Variants in TGDS observed in about 807,000 individuals in gnomAD.
The protein encoded by TGDS is UDP-D-glucose 4,6-dehydratase.
TGDS carries 47 observed loss-of-function variants against 52.3 expected under a neutral mutation model. The ratio of observed to expected loss-of-function variants is 0.90; its 90% CI spans 0.71 to 1.15. TGDS has a LOEUF of 1.15. Ranked by LOEUF, TGDS falls within the 50% of genes most tolerant of loss-of-function variation. TGDS has a pLI of 0.00. For missense variants in TGDS, 375 were observed against 418.4 expected (o/e 0.90, Z 0.90); for synonymous variants, 115 against 136.9 (o/e 0.84, Z 1.12).
At chr13:94,590,702 T>A (rs1277592850) in intron 4 of TGDS, 151 bp downstream of exon 4, 3 of 558,158 alleles carry the variant, frequency 5.4e-6, no homozygotes. Context: ...AATAAAAGTA[T>A]CTAAAAAGTG....
rs1888856672 is a variant in TGDS, at chr13:94,583,102, G to C, written c.448C>G (p.Leu150Val). The C allele has an allele frequency of 2.5e-6, 4 of 1,613,248 alleles. No homozygotes were observed. In the African/African-American group the frequency reaches 4.0e-5, roughly 16 times the overall value. Residue 150 changes from leucine (L) to valine (V), a missense_variant, in exon 5 of 12, where the codon CTT (leucine) becomes GTT (valine). Physicochemically the swap from Leu to Val is conservative, Grantham distance 32 (BLOSUM62 1). Transcript: ENST00000261296. ...ACATTTTCTAAGCTCACCTTATCAA[G>C]ACTGCCACCATATACTTCATCTGTG... ...VSTDEVYGGS[L>V]DKEFDESSPK...
Position 94,576,479 on chromosome 13 carries a change from T to TA in TGDS, c.885-69dup, listed in dbSNP as rs974041424. The TA allele has an allele frequency of 7.4e-6, 8 of 1,075,516 alleles. No individual in the cohort carries two copies. In the African/African-American group the frequency reaches 1.0e-4, roughly 13 times the overall value. 66.6% of individuals were successfully genotyped at this position (1,075,516 alleles called of 1,614,324 possible). On this transcript the variant is annotated intron_variant, in intron 10 of 11. Transcript: ENST00000261296. ...ATTTACAAATTTAGATATTAGGAGA[T>TA]ATGTGTTTATGCATTTTTACCACAA...
At position 94,574,111 on chromosome 13, in the gene TGDS, CAA is replaced by C. The variant is rs1319882835; in HGVS notation, c.*669_*670del. ...AAAATAAAAACATTATTTTAAAAAGCAATATTCTACATTAAATACATTAAGAT... is the reference window on the plus strand; with the variant it reads ...AAAATAAAAACATTATTTTAAAAAGCTATTCTACATTAAATACATTAAGAT... On this transcript the variant is annotated 3_prime_UTR_variant, in exon 12 of 12. Coordinates refer to ENST00000261296, the MANE Select transcript of TGDS (RefSeq NM_014305.4). The C allele has an allele frequency of 2.0e-5, 3 of 151,750 alleles. No individual in the cohort carries two copies. The highest frequency in any genetic ancestry group is 2.9e-5 in the Non-Finnish European group (2 of 67,930). The allele number at this position is 151,750 out of a possible 1,614,324, so 9.4% of individuals were successfully genotyped here. A position where few individuals can be genotyped will look rare whatever the true frequency, so the allele number is the denominator to read the frequency against.
chr13:94,575,619 T>G (rs1888576100), intron 11 of TGDS, among the ~76,000 whole-genome samples: 1 of 152,186 alleles, frequency 6.6e-6, no homozygotes, highest in South Asian at 2.1e-4. Flanking sequence ...GAAATTATTT[T>G]ATATTGCTAT....
At chr13:94,583,338 C>T in intron 4 of TGDS, 102 bp from the exon 5 acceptor site, 1 of 1,175,016 alleles carries the variant, frequency 8.5e-7, no homozygotes, top group African/African-American at 1.6e-5. Flanking sequence ...CACTGTTCTT[C>T]ATTTACCACA....
intron 7 of TGDS, 58 bp from the exon 8 acceptor site, chr13:94,578,831 G>A (rs745927625): frequency 1.9e-6 from 2 of 1,034,476 alleles, no homozygotes; most frequent in Non-Finnish European, 2.9e-6. Context: ...GTATGAATCT[G>A]AACTCATACC....
intron 10 of TGDS, 57 bp from the exon 11 acceptor site, chr13:94,576,468 A>G: frequency 8.5e-7 from 1 of 1,169,982 alleles, no homozygotes; most frequent in Non-Finnish European, 1.2e-6. Flanking sequence ...ACAAATTTAG[A>G]TATTAGGAGA....
chr13:94,576,001 A>G (rs559993587), intron 11 of TGDS, among the ~76,000 whole-genome samples: 71 of 152,328 alleles, frequency 4.7e-4, no homozygotes, highest in African/African-American at 1.6e-3. Context: ...TAATTATAAG[A>G]CACCAGTGAT....
chr13:94,592,321 A>G lies in TGDS; in HGVS notation c.154-12T>C. On this transcript the variant is annotated splice_polypyrimidine_tract_variant and intron_variant, in intron 2 of 11. Transcript: ENST00000261296. Reference sequence around the variant, plus strand: ...GCACAGTAATCCAGCTTGAAAGAAGAGAGCACAGAAGGGGCAACACAAAAA... The same window carrying G: ...GCACAGTAATCCAGCTTGAAAGAAGGGAGCACAGAAGGGGCAACACAAAAA... 1 of 1,583,764 alleles carries G rather than the reference A, an allele frequency of 6.3e-7. No homozygotes were observed. Among genetic ancestry groups the G allele is most frequent in the Non-Finnish European group, 8.5e-7 (1 of 1,171,598 alleles).
At chr13:94,574,873 A>AC in intron 11 of TGDS, 21 bp from the exon 12 acceptor site, 1 of 1,323,106 alleles carries the variant, frequency 7.6e-7, no homozygotes, top group Non-Finnish European at 1.0e-6. Flanking sequence ...AAAACAAAAG[A>AC]CAAAAAAAAA....
chr13:94,594,969 T>C (rs531833387), intron 1 of TGDS, among the ~76,000 whole-genome samples: 2 of 152,244 alleles, frequency 1.3e-5, no homozygotes, highest in South Asian at 2.1e-4. Flanking sequence ...GAATGAACAG[T>C]AGTCTCTGTC....
At chr13:94,594,361 T>C (rs1274402350) in intron 1 of TGDS, among the ~76,000 whole-genome samples, 1 of 152,166 alleles carries the variant, frequency 6.6e-6, no homozygotes, top group Non-Finnish European at 1.5e-5. Context: ...ACTTCTGCAA[T>C]TGCTATTTCT....
At chr13:94,584,446 T>C (rs900811603) in intron 4 of TGDS, among the ~76,000 whole-genome samples, 1 of 152,178 alleles carries the variant, frequency 6.6e-6, no homozygotes, top group Non-Finnish European at 1.5e-5. Context: ...GAAAAGATGA[T>C]ATAAATGAAA....
In TGDS at chr13:94,583,079, A is replaced by AT; in HGVS notation, c.456+14dup. The AT allele has an allele frequency of 6.2e-7, 1 of 1,609,838 alleles. No individual in the cohort carries two copies. Among genetic ancestry groups the AT allele is most frequent in the Non-Finnish European group, 8.5e-7 (1 of 1,179,010 alleles). On this transcript the variant is annotated intron_variant, in intron 5 of 11. Coordinates refer to ENST00000261296, the MANE Select transcript of TGDS (RefSeq NM_014305.4). ...ACATGGTTAAGTAGGTAAAATATAC[A>AT]TTTTCTAAGCTCACCTTATCAAGAC...
intron 4 of TGDS, among the ~76,000 whole-genome samples, chr13:94,586,748 A>ATTCTTTTTTTTTTTTTTT (rs1566960948): frequency 1.1e-5 from 1 of 88,444 alleles, no homozygotes; most frequent in African/African-American, 3.1e-5. Flanking sequence ...AAGAAATCAA[A>ATTCTTTTTTTTTTTTTTT]TTATTTTTTT....
At chr13:94,580,949 A>G (rs1888766572) in intron 6 of TGDS, 142 bp downstream of exon 6, 2 of 465,170 alleles carry the variant, frequency 4.3e-6, no homozygotes, top group Non-Finnish European at 7.3e-6. Context: ...GACCAGCCTG[A>G]GTGTCAGATT....
Position 94,576,386 on chromosome 13 carries a change from T to C in TGDS, c.910A>G (p.Met304Val), listed in dbSNP as rs367576453. ...DRPTNDMRYP[M>V]KSEKIHGLGW... ...AAGCCATGTATTTTTTCTGACTTCA[T>C]TGGGTATCTCATGTCATTGGTGGGT... Residue 304 changes from methionine to valine, a missense_variant, in exon 11 of 12, where the codon ATG (methionine) becomes GTG (valine). Physicochemically the swap from Met to Val is conservative, Grantham distance 21. Transcript: ENST00000261296. 8.7e-6 allele frequency: 14 copies of C among 1,601,220 alleles called. No homozygotes were observed. Among genetic ancestry groups the C allele is most frequent in the African/African-American group, 2.7e-5 (2 of 74,540 alleles).
Position 94,574,541 on chromosome 13 carries a change from C to T in TGDS, c.*241G>A. ...CTACCCTTAGGGAGAGTCTTCTACA[C>T]CTATTATTTCCTAGTTTCTAGGAGA... On this transcript the variant is annotated 3_prime_UTR_variant, in exon 12 of 12. Coordinates refer to ENST00000261296, the MANE Select transcript of TGDS (RefSeq NM_014305.4). 1 of 441,642 alleles carries T rather than the reference C, an allele frequency of 2.3e-6. No individual in the cohort carries two copies. Among genetic ancestry groups the T allele is most frequent in the Non-Finnish European group, 4.0e-6 (1 of 248,754 alleles). 27.4% of individuals were successfully genotyped at this position (441,642 alleles called of 1,614,324 possible).
intron 9 of TGDS, 25 bp downstream of exon 9, chr13:94,577,980 C>A: frequency 6.3e-7 from 1 of 1,598,872 alleles, no homozygotes; most frequent in Non-Finnish European, 8.5e-7. Flanking sequence ...TTTGAAAATA[C>A]CAACCTTTTA....
Sources: gnomAD v4.1 joint callset for allele counts (sites outside exome capture counted in the v4.1 genomes callset) on GRCh38, gnomAD v4.1.1 for gene constraint, MANE v1.5 for transcripts, NCBI Gene and HGNC (gene_info 2026-07-23, HGNC 2026-07-21) for gene names.